Variants in RGS5 observed in about 807,000 individuals in gnomAD.
RGS5 encodes regulator of G protein signaling 5.
Under a neutral mutation model 18.9 loss-of-function variants are expected in RGS5, and 20 were observed. That is an observed-to-expected ratio of 1.06 (90% CI 0.74 to 1.54). The LOEUF is 1.54. Among genes scored for constraint, RGS5 ranks in the 40% most tolerant of loss-of-function variants. The pLI, the probability that RGS5 is intolerant of heterozygous loss-of-function variation, is 0.00. For missense variants in RGS5, 201 were observed against 211.8 expected, an observed-to-expected ratio of 0.95 and a Z score of 0.32; for synonymous variants, 57 against 76.2, an observed-to-expected ratio of 0.75 and a Z score of 1.31.
chr1:163,179,261 TTTTGGCAAGTTTTTAAACC>T (rs1428294333), intron 1 of RGS5, among the ~76,000 whole-genome samples: 2 of 152,244 alleles, frequency 1.3e-5, no homozygotes, highest in East Asian at 3.8e-4. Flanking sequence ...CATGTGTGAC[TTTTGGCAAGTTTTTAAACC>T]TTACCTTGCC....
chr1:163,256,344 G>A (rs1648272659), intron 2 of RGS5, among the ~76,000 whole-genome samples: 1 of 152,004 alleles, frequency 6.6e-6, no homozygotes, highest in Non-Finnish European at 1.5e-5. Context: ...CAAATCATGA[G>A]TGAACTCCCA....
intron 2 of RGS5, among the ~76,000 whole-genome samples, chr1:163,277,086 T>C (rs1648876431): frequency 6.6e-6 from 1 of 152,200 alleles, no homozygotes; most frequent in Admixed American, 6.5e-5. Flanking sequence ...ATCTGCATGA[T>C]AAATTTTGGT....
At chr1:163,177,318 C>T (rs947601289) in intron 1 of RGS5, among the ~76,000 whole-genome samples, 4 of 152,208 alleles carry the variant, frequency 2.6e-5, no homozygotes, top group African/African-American at 9.7e-5. Context: ...AGAATCCCAG[C>T]TTAGAATATT....
intron 1 of RGS5, among the ~76,000 whole-genome samples, chr1:163,317,404 T>A (rs956519404): frequency 6.6e-6 from 1 of 152,180 alleles, no homozygotes; most frequent in African/African-American, 2.4e-5. Context: ...CACAATTCAG[T>A]CACCAAGTTT....
chr1:163,192,500 G>T (rs1328251188), intron 1 of RGS5, among the ~76,000 whole-genome samples: 3 of 152,070 alleles, frequency 2.0e-5, no homozygotes, highest in Non-Finnish European at 4.4e-5. Context: ...GCCTTAAAGT[G>T]GAAAAAATTC....
At chr1:163,235,172 C>T (rs1470301445) in intron 2 of RGS5, among the ~76,000 whole-genome samples, 1 of 152,202 alleles carries the variant, frequency 6.6e-6, no homozygotes, top group African/African-American at 2.4e-5. Context: ...ATCCCTTCTA[C>T]ATTCTCATTC....
chr1:163,241,503 C>A (rs773446454), intron 2 of RGS5, among the ~76,000 whole-genome samples: 4 of 152,100 alleles, frequency 2.6e-5, no homozygotes, highest in Non-Finnish European at 5.9e-5. Flanking sequence ...ATTGTTTTTC[C>A]ACCCCATGTT....
At chr1:163,269,413 T>C (rs1648657924) in intron 2 of RGS5, among the ~76,000 whole-genome samples, 6 of 152,066 alleles carry the variant, frequency 3.9e-5, no homozygotes, top group Admixed American at 3.9e-4. Context: ...CTCTCCAACA[T>C]AGCAGGGCCA....
At chr1:163,261,447 T>G (rs1202762802) in intron 2 of RGS5, among the ~76,000 whole-genome samples, 1 of 152,202 alleles carries the variant, frequency 6.6e-6, no homozygotes, top group East Asian at 1.9e-4. Flanking sequence ...GTCCATCCTC[T>G]GCTCTTGAGA....
At chr1:163,314,786 A>G (rs576753420) in intron 1 of RGS5, among the ~76,000 whole-genome samples, 2 of 152,298 alleles carry the variant, frequency 1.3e-5, no homozygotes, top group Middle Eastern at 3.4e-3. Context: ...CCCTTAAAAA[A>G]GAGGTCCAAC....
At chr1:163,319,190 C>T (rs1028275948) in intron 1 of RGS5, 19 of 152,228 alleles carry the variant, frequency 1.2e-4, no homozygotes, top group Non-Finnish European at 2.5e-4. Flanking sequence ...GCATTAAAGT[C>T]CTAGCTGCAG....
At chr1:163,241,089 T>C (rs770520400) in intron 2 of RGS5, among the ~76,000 whole-genome samples, 1 of 152,164 alleles carries the variant, frequency 6.6e-6, no homozygotes, top group African/African-American at 2.4e-5. Flanking sequence ...CCCTGACCAC[T>C]CTCTCTGAAA....
chr1:163,234,641 T>C (rs895222280), intron 2 of RGS5, among the ~76,000 whole-genome samples: 1 of 152,252 alleles, frequency 6.6e-6, no homozygotes, highest in African/African-American at 2.4e-5. Context: ...GAGCCAGTTT[T>C]CTTTGATGAA....
chr1:163,286,782 C>A (rs1389469202), intron 2 of RGS5, among the ~76,000 whole-genome samples: 1 of 151,892 alleles, frequency 6.6e-6, no homozygotes, highest in South Asian at 2.1e-4. Context: ...ATTTGCAGTA[C>A]CATATGCAAA....
chr1:163,182,914 C>T (rs1237786727), intron 1 of RGS5, among the ~76,000 whole-genome samples: 1 of 68,358 alleles, frequency 1.5e-5, no homozygotes, highest in African/African-American at 4.0e-5. Flanking sequence ...TTATATACCA[C>T]AAAAATATAA....
At chr1:163,272,935 C>T (rs1012303249) in intron 2 of RGS5, among the ~76,000 whole-genome samples, 1 of 151,944 alleles carries the variant, frequency 6.6e-6, no homozygotes, top group African/African-American at 2.4e-5. Context: ...GTTTTGTTTC[C>T]ATTCATTCAC....
At chr1:163,156,598 G>A (rs1261026404) in intron 3 of RGS5, among the ~76,000 whole-genome samples, 1 of 151,992 alleles carries the variant, frequency 6.6e-6, no homozygotes, top group Non-Finnish European at 1.5e-5. Context: ...CCTCTCTTTT[G>A]CATCCCACCT....
chr1:163,180,686 G>GTTTTTTTGTTTTTTTTTTGTTT, intron 1 of RGS5, among the ~76,000 whole-genome samples: 1 of 61,982 alleles, frequency 1.6e-5, no homozygotes, highest in South Asian at 7.3e-4. Flanking sequence ...CCCTTACCCT[G>GTTTTTTTGTTTTTTTTTTGTTT]TTTTTTTTTT....
chr1:163,281,381 G>C (rs1022262239), intron 2 of RGS5, among the ~76,000 whole-genome samples: 6 of 152,160 alleles, frequency 3.9e-5, no homozygotes, highest in African/African-American at 1.4e-4. Context: ...TCTGCTTCTG[G>C]TGAGAGCCTC....
Sources: allele counts gnomAD v4.1 joint callset (sites outside exome capture counted in the v4.1 genomes callset), GRCh38; gene constraint gnomAD v4.1.1; transcripts MANE v1.5; gene names NCBI Gene and HGNC (gene_info 2026-07-23, HGNC 2026-07-21).